Variants in SV2C observed in about 807,000 individuals in gnomAD.
SV2C encodes synaptic vesicle glycoprotein 2C, also known as solute carrier family 22 member B3.
Under a neutral mutation model 79.7 loss-of-function variants are expected in SV2C, and 49 were observed. The ratio of observed to expected loss-of-function variants is 0.61; its 90% CI spans 0.49 to 0.78. The LOEUF (loss-of-function observed/expected upper bound fraction) is 0.78, where lower values mean the gene tolerates loss of function less well. Ranked by LOEUF, SV2C falls within the 30% of genes least tolerant of loss-of-function variation. The probability of loss-of-function intolerance (pLI) is 0.00; values close to 1 mark genes in which losing one functional copy is unlikely to be tolerated. For synonymous variants in SV2C, 334 were observed against 333.2 expected (o/e 1.00, Z -0.03); for missense variants, 833 against 912.9 (o/e 0.91, Z 1.13).
intron 5 of SV2C, 104 bp downstream of exon 5, chr5:76,285,399 C>T: frequency 2.0e-6 from 3 of 1,491,872 alleles, no homozygotes; most frequent in Non-Finnish European, 2.7e-6. Flanking sequence ...GTACATTTTC[C>T]CTTCCTATTA....
the SV2C span, among the ~76,000 whole-genome samples, chr5:75,884,850 C>T: frequency 1.3e-5 from 2 of 151,894 alleles, no homozygotes; most frequent in Admixed American, 6.6e-5. Context: ...CCATATTGTA[C>T]AGAACTTAGC....
At chr5:76,148,396 C>A (rs974693903) in intron 2 of SV2C, among the ~76,000 whole-genome samples, 1 of 152,080 alleles carries the variant, frequency 6.6e-6, no homozygotes, top group Non-Finnish European at 1.5e-5. Flanking sequence ...CTCCCTTATT[C>A]TTTGTTATAT....
At chr5:76,352,101 T>C (rs1749653185) in intron 12 of SV2C, among the ~76,000 whole-genome samples, 1 of 152,084 alleles carries the variant, frequency 6.6e-6, no homozygotes, top group East Asian at 1.9e-4. Context: ...TAATCCCAGC[T>C]ACTTGAGCGG....
intron 1 of SV2C, among the ~76,000 whole-genome samples, chr5:76,114,678 C>G (rs1748207654): frequency 1.3e-5 from 2 of 152,178 alleles, no homozygotes; most frequent in South Asian, 4.1e-4. Flanking sequence ...TGGGCTAAAC[C>G]CCAGGGTGTG....
the SV2C span, among the ~76,000 whole-genome samples, chr5:76,028,948 C>T: frequency 2.6e-4 from 39 of 152,282 alleles, no homozygotes; most frequent in East Asian, 7.0e-3. Context: ...TGCCAGAGAA[C>T]AGAAACCGTA....
intron 1 of SV2C, among the ~76,000 whole-genome samples, chr5:76,101,439 C>A (rs2112118790): frequency 6.6e-6 from 1 of 152,208 alleles, no homozygotes; most frequent in Non-Finnish European, 1.5e-5. Flanking sequence ...AAGTGGCTAG[C>A]CCATATGTAT....
the SV2C span, among the ~76,000 whole-genome samples, chr5:75,885,657 C>T: frequency 6.6e-6 from 1 of 152,086 alleles, no homozygotes; most frequent in Non-Finnish European, 1.5e-5. Flanking sequence ...TCAAGAAATC[C>T]TCCCACCTCA....
the SV2C span, chr5:75,921,381 C>T: frequency 1.1e-6 from 1 of 885,814 alleles, no homozygotes; most frequent in Non-Finnish European, 1.9e-6. Context: ...TGGTAGGTGT[C>T]CTGCCCTGGG....
intron 2 of SV2C, among the ~76,000 whole-genome samples, chr5:76,147,872 T>C (rs967717244): frequency 1.3e-5 from 2 of 152,212 alleles, no homozygotes; most frequent in African/African-American, 4.8e-5. Context: ...TTAAAATGTA[T>C]CATACATAAT....
chr5:76,219,665 G>A (rs1397337639), intron 4 of SV2C, among the ~76,000 whole-genome samples: 4 of 152,170 alleles, frequency 2.6e-5, no homozygotes, highest in African/African-American at 9.7e-5. Flanking sequence ...GCATCTATCA[G>A]CTAGGATGCA....
In SV2C at chr5:76,300,900, T is replaced by C. The variant is rs759770783; in HGVS notation, c.1808T>C (p.Leu603Pro). ...VLPGNIVSAL[L>P]MDRIGRLTML... ...CCAGGGAACATTGTGTCTGCTCTGCTGATGGACAGAATTGGGCGCTTAACA... is the reference window on the plus strand; with the variant it reads ...CCAGGGAACATTGTGTCTGCTCTGCCGATGGACAGAATTGGGCGCTTAACA... The change falls in exon 11 of 13, where the codon CTG becomes CCG. Residue 603 changes from leucine (L) to proline (P), a missense_variant. By Grantham distance (98) the Leu-to-Pro change is moderately conservative. Transcript: ENST00000502798. 6.2e-7 allele frequency: 1 copy of C among 1,614,166 alleles called. No individual in the cohort carries two copies. Among genetic ancestry groups the C allele is most frequent in the Non-Finnish European group, 8.5e-7 (1 of 1,179,994 alleles).
chr5:75,935,343 A>G, the SV2C span, among the ~76,000 whole-genome samples: 1 of 152,138 alleles, frequency 6.6e-6, no homozygotes, highest in African/African-American at 2.4e-5. Flanking sequence ...GGTTTCTTAT[A>G]TATTGAGGTA....
the SV2C span, among the ~76,000 whole-genome samples, chr5:76,020,652 G>A: frequency 1.8e-3 from 274 of 152,214 alleles, 7 homozygotes; most frequent in East Asian, 0.047. Context: ...GTGTGACTAC[G>A]AAACAAGCCC....
At chr5:75,989,006 C>A in the SV2C span, among the ~76,000 whole-genome samples, 1 of 151,924 alleles carries the variant, frequency 6.6e-6, no homozygotes, top group South Asian at 2.1e-4. Flanking sequence ...TTTGTCTTGT[C>A]ATTTCTCTAC....
intron 1 of SV2C, among the ~76,000 whole-genome samples, chr5:76,108,576 G>A (rs572043571): frequency 6.0e-4 from 91 of 151,790 alleles, no homozygotes; most frequent in African/African-American, 2.2e-3. Flanking sequence ...CCATATTAGA[G>A]GGGAGAATAC....
the SV2C span, among the ~76,000 whole-genome samples, chr5:76,029,300 T>C: frequency 2.0e-5 from 3 of 152,234 alleles, no homozygotes; most frequent in African/African-American, 7.2e-5. Flanking sequence ...ATAGTCACCA[T>C]GTCATACAAT....
At chr5:75,920,948 A>G in the SV2C span, 1 of 724,632 alleles carries the variant, frequency 1.4e-6, no homozygotes, top group Non-Finnish European at 2.5e-6. Flanking sequence ...CTTGGTGATG[A>G]TGGCCCGGCC....
chr5:76,129,004 G>C (rs1419167608), intron 1 of SV2C, among the ~76,000 whole-genome samples: 1 of 152,154 alleles, frequency 6.6e-6, no homozygotes, highest in African/African-American at 2.4e-5. Flanking sequence ...ACCAGAGGGA[G>C]ATAATAGCCA....
chr5:76,154,654 A>G (rs1453374699), intron 2 of SV2C, among the ~76,000 whole-genome samples: 1 of 152,218 alleles, frequency 6.6e-6, no homozygotes, highest in Non-Finnish European at 1.5e-5. Flanking sequence ...CCATGATAGC[A>G]TGAGTTCTGT....
Sources: allele counts gnomAD v4.1 joint callset (sites outside exome capture counted in the v4.1 genomes callset), GRCh38; gene constraint gnomAD v4.1.1; transcripts MANE v1.5; gene names NCBI Gene and HGNC (gene_info 2026-07-23, HGNC 2026-07-21).